The following MXI1 variants were observed in gnomAD, a reference collection of about 807,000 sequenced individuals.
MXI1 encodes the protein max-interacting protein 1.
MXI1 carries 18 observed loss-of-function variants against 36.9 expected under a neutral mutation model. The observed-to-expected ratio is 0.49, with a 90% CI of 0.34 to 0.72. MXI1 has a LOEUF of 0.72. MXI1 is among the 30% of genes least tolerant of loss of function. The pLI, the probability that MXI1 is intolerant of heterozygous loss-of-function variation, is 0.01. For missense variants in MXI1, 304 were observed against 379.1 expected (o/e 0.80, Z 1.64); for synonymous variants, 160 against 146.7 (o/e 1.09, Z -0.65).
chr10:110,228,462 C>T lies in MXI1; in HGVS notation c.407+141C>T, dbSNP rs1343936038. 3 of 1,008,964 alleles carry T rather than the reference C, an allele frequency of 3.0e-6. No homozygotes were observed. The African/African-American group carries it at 4.9e-5, about 16-fold the overall frequency. 62.5% of individuals were successfully genotyped at this position (1,008,964 alleles called of 1,614,324 possible). On this transcript the variant is annotated intron_variant, in intron 2 of 5. Coordinates refer to ENST00000332674, the MANE Select transcript of MXI1 (RefSeq NM_130439.3). Reference sequence around the variant, plus strand: ...TTTGGCCCTTTTAAAATAATGAAGTCTAGAAATCATAACCTGGTTTTGCAT... The same window carrying T: ...TTTGGCCCTTTTAAAATAATGAAGTTTAGAAATCATAACCTGGTTTTGCAT...
intron 1 of MXI1, 72 bp from the exon 2 acceptor site, chr10:110,228,117 C>A: frequency 6.4e-7 from 1 of 1,559,436 alleles, no homozygotes; most frequent in Non-Finnish European, 8.8e-7. Flanking sequence ...CTGCAAAGAC[C>A]TCGGATTTGT....
chr10:110,216,665 G>GTTTTTTGTTTTGTTTTGTTTTTGTTTTTT (rs1554853670), intron 1 of MXI1, among the ~76,000 whole-genome samples: 1 of 79,060 alleles, frequency 1.3e-5, no homozygotes, highest in African/African-American at 8.0e-5. Context: ...TGTGTTTAAT[G>GTTTTTTGTTTTGTTTTGTTTTTGTTTTTT]TTTTTTTTTT....
chr10:110,211,683 G>A (rs748361085), intron 1 of MXI1, among the ~76,000 whole-genome samples: 25 of 152,198 alleles, frequency 1.6e-4, no homozygotes, highest in Admixed American at 2.0e-4. Context: ...TACTTCCAGT[G>A]GAGAGGTTGA....
intron 2 of MXI1, among the ~76,000 whole-genome samples, chr10:110,232,307 CG>C (rs1402038970): frequency 6.6e-6 from 1 of 152,162 alleles, no homozygotes; most frequent in East Asian, 1.9e-4. Flanking sequence ...TCCTTCAGTA[CG>C]CGTTTTCTTC....
chr10:110,279,340 TTTAA>T (rs1564727008), intron 4 of MXI1, 46 bp downstream of exon 4: 2 of 1,503,616 alleles, frequency 1.3e-6, no homozygotes, highest in South Asian at 2.3e-5. Context: ...TCAGTTCTGG[TTTAA>T]TTATTGGCAC....
In MXI1 at chr10:110,285,286, G is replaced by A. The variant is rs961705745; in HGVS notation, c.*299G>A. The A allele has an allele frequency of 8.2e-6, 2 of 243,248 alleles. No homozygotes were observed. Among genetic ancestry groups the A allele is most frequent in the African/African-American group, 4.5e-5 (2 of 44,162 alleles). 15.1% of individuals were successfully genotyped at this position (243,248 alleles called of 1,614,324 possible). Reference sequence around the variant, plus strand: ...CTTGATTTGAGTTGATTGAGAAGAGGACATTGGAGATGCCATCCTCTTTCT... The same window carrying A: ...CTTGATTTGAGTTGATTGAGAAGAGAACATTGGAGATGCCATCCTCTTTCT... On this transcript the variant is annotated 3_prime_UTR_variant, in exon 6 of 6. Transcript: ENST00000332674.
intron 2 of MXI1, among the ~76,000 whole-genome samples, chr10:110,239,962 A>G (rs141791272): frequency 2.0e-3 from 301 of 149,444 alleles, no homozygotes; most frequent in African/African-American, 7.4e-3. Flanking sequence ...CCAACTTTTT[A>G]TGCCATAATT....
At chr10:110,284,603 G>A (rs75369685) in intron 5 of MXI1, among the ~76,000 whole-genome samples, 2,933 of 152,266 alleles carry the variant, frequency 0.019, 48 homozygotes, top group African/African-American at 0.033. Context: ...AAAGGATTTA[G>A]GAAATTTGCT....
At chr10:110,257,556 C>T (rs190136179) in intron 3 of MXI1, 4 of 153,418 alleles carry the variant, frequency 2.6e-5, no homozygotes, top group African/African-American at 9.6e-5. Flanking sequence ...AGTGATCCAC[C>T]CGCTTTGGCC....
At chr10:110,214,701 G>C (rs1474046941) in intron 1 of MXI1, among the ~76,000 whole-genome samples, 1 of 143,412 alleles carries the variant, frequency 7.0e-6, no homozygotes, top group Non-Finnish European at 1.5e-5. Flanking sequence ...CTGGGTTTCT[G>C]GAGGAGAAGC....
chr10:110,226,380 G>T (rs1374645569), intron 1 of MXI1: 11 of 1,290,582 alleles, frequency 8.5e-6, no homozygotes, highest in African/African-American at 3.4e-5. Flanking sequence ...TGAGGTGCGC[G>T]CATGAGGTGA....
At chr10:110,261,759 A>T (rs1856520614) in intron 3 of MXI1, among the ~76,000 whole-genome samples, 1 of 151,958 alleles carries the variant, frequency 6.6e-6, no homozygotes. Context: ...GAGCTTTTTC[A>T]TCTTCTCCTA....
In MXI1 at chr10:110,285,876, T is replaced by A. The variant is rs1857416153; in HGVS notation, c.*889T>A. The A allele has an allele frequency of 6.6e-6, 1 of 152,632 alleles. No homozygotes were observed. Among genetic ancestry groups the A allele is most frequent in the Admixed American group, 6.5e-5 (1 of 15,280 alleles). 9.5% of individuals were successfully genotyped at this position (152,632 alleles called of 1,614,324 possible). A position where few individuals can be genotyped will look rare whatever the true frequency, so the allele number is the denominator to read the frequency against. ...CCAAGGTCTGAGCCACAGCAGCATTTTTATTTCAGATTTTGATAACTGTTT... is the reference window on the plus strand; with the variant it reads ...CCAAGGTCTGAGCCACAGCAGCATTATTATTTCAGATTTTGATAACTGTTT... On this transcript the variant is annotated 3_prime_UTR_variant, in exon 6 of 6. Coordinates refer to ENST00000332674, the MANE Select transcript of MXI1 (RefSeq NM_130439.3).
chr10:110,226,268 G>A, intron 1 of MXI1: 3 of 1,498,742 alleles, frequency 2.0e-6, no homozygotes, highest in Non-Finnish European at 2.7e-6. Context: ...CGAGTTTTTG[G>A]AGCGCCGGGA....
At chr10:110,216,663 A>ATTTTTTTTTTTTTTTTTTT (rs1166044480) in intron 1 of MXI1, among the ~76,000 whole-genome samples, 6 of 39,452 alleles carry the variant, frequency 1.5e-4, no homozygotes, top group South Asian at 1.2e-3. Flanking sequence ...TCTGTGTTTA[A>ATTTTTTTTTTTTTTTTTTT]TGTTTTTTTT....
chr10:110,226,180 G>C, intron 1 of MXI1: 6 of 1,462,066 alleles, frequency 4.1e-6, no homozygotes, highest in Non-Finnish European at 5.4e-6. Context: ...AAGGGAGTGC[G>C]GAGAGGCGCC....
At chr10:110,235,752 T>A (rs368508943) in intron 2 of MXI1, among the ~76,000 whole-genome samples, 1 of 151,968 alleles carries the variant, frequency 6.6e-6, no homozygotes. Flanking sequence ...GGCTTATGCC[T>A]GTGTTCCCAA....
chr10:110,257,774 C>T (rs529820868), intron 3 of MXI1: 21 of 316,762 alleles, frequency 6.6e-5, no homozygotes, highest in South Asian at 3.6e-4. Flanking sequence ...TATCCAGAGA[C>T]GCGTACTTTA....
intron 3 of MXI1, among the ~76,000 whole-genome samples, chr10:110,254,670 T>G (rs7922679): frequency 0.45 from 68,692 of 151,874 alleles, 16,668 homozygotes; most frequent in South Asian, 0.71. Context: ...ATATGAAAGT[T>G]AAACAGCCTT....
Sources: gnomAD v4.1 joint callset for allele counts (sites outside exome capture counted in the v4.1 genomes callset) on GRCh38, gnomAD v4.1.1 for gene constraint, MANE v1.5 for transcripts, NCBI Gene and HGNC (gene_info 2026-07-23, HGNC 2026-07-21) for gene names.